Variants in CDH4 observed in about 807,000 individuals in gnomAD.
The protein encoded by CDH4 is cadherin 4.
In CDH4, 33 loss-of-function variants were observed where a neutral mutation model predicts 86.0. The observed-to-expected ratio is 0.38, with a 90% CI of 0.29 to 0.51. The LOEUF (loss-of-function observed/expected upper bound fraction) is 0.51, where lower values mean the gene tolerates loss of function less well. CDH4 is among the 20% of genes least tolerant of loss of function. The pLI is 0.86. For synonymous variants in CDH4, 555 were observed against 549.4 expected (o/e 1.01, Z -0.14); for missense variants, 1,114 against 1,307.4 (o/e 0.85, Z 2.28).
At chr20:61,826,521 A>G (rs1016615007) in intron 4 of CDH4, among the ~76,000 whole-genome samples, 4 of 152,172 alleles carry the variant, frequency 2.6e-5, no homozygotes, top group Admixed American at 2.0e-4. Flanking sequence ...GCTAAGGAGA[A>G]CATGCACCAG....
At chr20:61,565,976 G>A (rs73914850) in intron 2 of CDH4, among the ~76,000 whole-genome samples, 2,063 of 152,258 alleles carry the variant, frequency 0.014, 46 homozygotes, top group African/African-American at 0.045. Flanking sequence ...GAGGACCCTC[G>A]TCTTGTCCCC....
chr20:61,882,904 C>A (rs1450612010), intron 7 of CDH4, among the ~76,000 whole-genome samples: 2 of 151,656 alleles, frequency 1.3e-5, no homozygotes, highest in Admixed American at 1.3e-4. Context: ...TCCACTGTCT[C>A]CCCCACACCC....
intron 2 of CDH4, among the ~76,000 whole-genome samples, chr20:61,442,260 G>A (rs147248589): frequency 9.9e-4 from 151 of 152,342 alleles, no homozygotes; most frequent in African/African-American, 3.5e-3. Flanking sequence ...AAAGCAGTGT[G>A]TGTCCGAGGA....
intron 2 of CDH4, among the ~76,000 whole-genome samples, chr20:61,740,047 C>T (rs1315514386): frequency 1.3e-5 from 2 of 152,178 alleles, no homozygotes; most frequent in African/African-American, 4.8e-5. Flanking sequence ...CTTGCAGAGA[C>T]AGGCGAAGAC....
intron 2 of CDH4, among the ~76,000 whole-genome samples, chr20:61,478,668 C>T (rs2085552744): frequency 6.6e-6 from 1 of 152,164 alleles, no homozygotes; most frequent in Non-Finnish European, 1.5e-5. Flanking sequence ...ACCAAGGAGT[C>T]GAAGCCCGGC....
intron 2 of CDH4, among the ~76,000 whole-genome samples, chr20:61,714,193 T>C (rs1056997402): frequency 1.8e-4 from 27 of 152,016 alleles, no homozygotes; most frequent in African/African-American, 6.5e-4. Flanking sequence ...ACTACAGGCA[T>C]CCGCCACCAC....
chr20:61,543,798 C>T (rs541064544), intron 2 of CDH4, among the ~76,000 whole-genome samples: 10 of 152,308 alleles, frequency 6.6e-5, no homozygotes, highest in East Asian at 3.9e-4. Flanking sequence ...TCTGAGATGG[C>T]GCCTTCCTTG....
intron 2 of CDH4, among the ~76,000 whole-genome samples, chr20:61,707,449 T>A (rs566244568): frequency 6.6e-6 from 1 of 152,294 alleles, no homozygotes; most frequent in South Asian, 2.1e-4. Context: ...GGCTATGTCC[T>A]CCCTGGCACC....
At chr20:61,693,605 G>A (rs1049643910) in intron 2 of CDH4, among the ~76,000 whole-genome samples, 1 of 152,198 alleles carries the variant, frequency 6.6e-6, no homozygotes, top group African/African-American at 2.4e-5. Flanking sequence ...GCCTTTTAGA[G>A]CGTGGATCAC....
chr20:61,345,047 T>C (rs570583560), intron 2 of CDH4, among the ~76,000 whole-genome samples: 4 of 152,272 alleles, frequency 2.6e-5, no homozygotes, highest in Admixed American at 1.3e-4. Context: ...GCGCAGGTAA[T>C]AGTGGGGGCA....
rs540825455 is a variant in CDH4, at chr20:61,840,075, T to G, written c.577-4593T>G. ...CCCCAAGGGGTCTCCCAGACCTTGCTCTACCCCGCAATGCTTATCCTGATG... is the reference window on the plus strand; with the variant it reads ...CCCCAAGGGGTCTCCCAGACCTTGCGCTACCCCGCAATGCTTATCCTGATG... On this transcript the variant is annotated intron_variant, in intron 4 of 15. Transcript: ENST00000614565. Among the ~76,000 whole-genome samples, 5 of 152,310 alleles carry G rather than the reference T, an allele frequency of 3.3e-5. No homozygotes were observed. The South Asian group carries it at 1.0e-3, about 32-fold the overall frequency.
intron 4 of CDH4, among the ~76,000 whole-genome samples, chr20:61,817,605 T>C (rs13040920): frequency 0.51 from 77,619 of 151,866 alleles, 20,894 homozygotes; most frequent in Non-Finnish European, 0.61. Context: ...CTTTGTCACC[T>C]TCCCACGTGT....
chr20:61,254,189 C>G lies in CDH4; in HGVS notation c.58-637C>G, dbSNP rs958515592. Among the ~76,000 whole-genome samples the G allele has an allele frequency of 2.0e-5, 3 of 152,230 alleles. No homozygotes were observed. In the East Asian group the frequency reaches 5.8e-4, roughly 29 times the overall value. On this transcript the variant is annotated intron_variant, in intron 1 of 15. Coordinates refer to ENST00000614565, the MANE Select transcript of CDH4 (RefSeq NM_001794.5). ...CCTGCCTGGGCTGGAGATGGGGGCT[C>G]CGAGGGTGAAAATGCGGGCTGAAGA...
At chr20:61,294,357 G>A (rs566516708) in intron 2 of CDH4, among the ~76,000 whole-genome samples, 26 of 152,300 alleles carry the variant, frequency 1.7e-4, no homozygotes, top group African/African-American at 5.5e-4. Context: ...CCATCACCCT[G>A]CCCTAAGCTC....
chr20:61,386,903 C>T (rs1308978328), intron 2 of CDH4, among the ~76,000 whole-genome samples: 2 of 152,210 alleles, frequency 1.3e-5, no homozygotes, highest in African/African-American at 4.8e-5. Flanking sequence ...GGGGAGGAGG[C>T]GTCAGGACCG....
At chr20:61,906,352 G>A (rs187168297) in intron 8 of CDH4, among the ~76,000 whole-genome samples, 37 of 152,310 alleles carry the variant, frequency 2.4e-4, no homozygotes, top group African/African-American at 8.7e-4. Flanking sequence ...AACAGGCCTC[G>A]GGCCAACACC....
chr20:61,331,670 T>TCCTGCCCCCGCCAACTGCCCCAGGCC, intron 2 of CDH4, among the ~76,000 whole-genome samples: 1 of 38,574 alleles, frequency 2.6e-5, no homozygotes, highest in Non-Finnish European at 5.3e-5. Context: ...TGCCCCAGGC[T>TCCTGCCCCCGCCAACTGCCCCAGGCC]CACCTCCTGC....
At chr20:61,897,543 A>G (rs1378121344) in intron 8 of CDH4, among the ~76,000 whole-genome samples, 2 of 152,110 alleles carry the variant, frequency 1.3e-5, no homozygotes, top group Non-Finnish European at 2.9e-5. Context: ...CTGACTAGCC[A>G]CCAGCACTGA....
At chr20:61,414,338 G>C (rs2252671) in intron 2 of CDH4, among the ~76,000 whole-genome samples, 1 of 152,056 alleles carries the variant, frequency 6.6e-6, no homozygotes. Flanking sequence ...CATTGGTAGA[G>C]GAATCAGAGG....
Sources: gnomAD v4.1 joint callset for allele counts (sites outside exome capture counted in the v4.1 genomes callset) on GRCh38, gnomAD v4.1.1 for gene constraint, MANE v1.5 for transcripts, NCBI Gene and HGNC (gene_info 2026-07-23, HGNC 2026-07-21) for gene names.